The following GM2A variants were observed in gnomAD, a reference collection of about 807,000 sequenced individuals.
GM2A encodes the protein GM2 ganglioside activator.
GM2A carries 7 observed loss-of-function variants against 12.9 expected under a neutral mutation model. The observed-to-expected ratio is 0.54, with a 90% CI of 0.31 to 1.02. GM2A has a LOEUF of 1.02. GM2A is among the 50% of genes least tolerant of loss of function. GM2A has a pLI of 0.05. For missense variants in GM2A, 246 were observed against 241.0 expected (o/e 1.02, Z -0.14); for synonymous variants, 101 against 96.0 (o/e 1.05, Z -0.30).
At chr5:151,256,695 G>C (rs550845887) in intron 1 of GM2A, among the ~76,000 whole-genome samples, 45 of 151,410 alleles carry the variant, frequency 3.0e-4, no homozygotes, top group African/African-American at 1.1e-3. Context: ...CATCTTATAT[G>C]TACATATCTC....
intron 2 of GM2A, among the ~76,000 whole-genome samples, chr5:151,264,774 G>T (rs1753854402): frequency 6.6e-6 from 1 of 152,134 alleles, no homozygotes; most frequent in Admixed American, 6.6e-5. Flanking sequence ...GAAGTCAGGA[G>T]TTTGAGACCA....
rs747791911 is a variant in GM2A, at chr5:151,266,702, C to T, written c.244-29C>T. On this transcript the variant is annotated intron_variant, in intron 2 of 3. Transcript: ENST00000357164. ...TGGAATTTACACTTATAACCTTTTT[C>T]AAACCTTTGTTTTATTTTTTTTTAC... 3.8e-6 allele frequency: 6 copies of T among 1,590,276 alleles called. No homozygotes were observed. In the Admixed American group the frequency reaches 6.7e-5, roughly 18 times the overall value.
rs891501987 is a variant in GM2A at position 151,267,992 on chromosome 5, A to C, written c.*541A>C. Reference sequence around the variant, plus strand: ...ATTTGCCCAATTAATACTAGGGTGCAGTGTATCCTGGAGAGGTAGGGTGTG... The same window carrying C: ...ATTTGCCCAATTAATACTAGGGTGCCGTGTATCCTGGAGAGGTAGGGTGTG... On this transcript the variant is annotated 3_prime_UTR_variant, in exon 4 of 4. Transcript: ENST00000357164. 1.5e-5 allele frequency: 17 copies of C among 1,109,576 alleles called. No homozygotes were observed. Among genetic ancestry groups the C allele is most frequent in the Non-Finnish European group, 1.9e-5 (17 of 904,124 alleles). 68.7% of individuals were successfully genotyped at this position (1,109,576 alleles called of 1,614,324 possible). A position where few individuals can be genotyped will look rare whatever the true frequency, so the allele number is the denominator to read the frequency against.
At position 151,267,639 on chromosome 5, in the gene GM2A, A is replaced by T. The variant is rs886060269; in HGVS notation, c.*188A>T. ...AGGCTGGGGCAAGCAGCCCTGACCTAAGGGAGAATGAGTTGGACAGTTCTT... is the reference window on the plus strand; with the variant it reads ...AGGCTGGGGCAAGCAGCCCTGACCTTAGGGAGAATGAGTTGGACAGTTCTT... On this transcript the variant is annotated 3_prime_UTR_variant, in exon 4 of 4. Coordinates refer to ENST00000357164, the MANE Select transcript of GM2A (RefSeq NM_000405.5). 1 of 1,513,358 alleles carries T rather than the reference A, an allele frequency of 6.6e-7. No homozygotes were observed. Among genetic ancestry groups the T allele is most frequent in the Non-Finnish European group, 8.8e-7 (1 of 1,132,232 alleles). The allele number at this position is 1,513,358 out of a possible 1,614,324, so 93.7% of individuals were successfully genotyped here.
chr5:151,265,167 G>A (rs1753862336), intron 2 of GM2A, among the ~76,000 whole-genome samples: 1 of 152,172 alleles, frequency 6.6e-6, no homozygotes, highest in Non-Finnish European at 1.5e-5. Context: ...TGTGTGGCCA[G>A]TGGTGGAGAT....
In GM2A at chr5:151,263,967, A is replaced by C. The variant is rs564873671; in HGVS notation, c.244-2764A>C. On this transcript the variant is annotated intron_variant, in intron 2 of 3. Coordinates refer to ENST00000357164, the MANE Select transcript of GM2A (RefSeq NM_000405.5). ...CCCGGATTCCATGGCCGTGGGTAAG[A>C]CTGGGGCCTGCTCAGGAGCTCCCTT... Among the ~76,000 whole-genome samples the C allele has an allele frequency of 4.6e-5, 7 of 152,254 alleles. No homozygotes were observed. The South Asian group carries it at 1.5e-3, about 32-fold the overall frequency.
intron 1 of GM2A, among the ~76,000 whole-genome samples, chr5:151,253,798 C>T (rs1362102342): frequency 6.6e-6 from 1 of 152,148 alleles, no homozygotes; most frequent in Non-Finnish European, 1.5e-5. Flanking sequence ...GACCCCGCTG[C>T]CCTTGGTTAT....
intron 1 of GM2A, among the ~76,000 whole-genome samples, chr5:151,255,112 G>A (rs1047729108): frequency 1.3e-5 from 2 of 152,062 alleles, no homozygotes; most frequent in Non-Finnish European, 2.9e-5. Context: ...GACCAGCCTG[G>A]GCAACATGGT....
chr5:151,255,607 G>A (rs1001917369), intron 1 of GM2A, among the ~76,000 whole-genome samples: 5 of 152,190 alleles, frequency 3.3e-5, no homozygotes, highest in African/African-American at 1.2e-4. Context: ...AGTTGTCGGT[G>A]AAGGGAAATG....
chr5:151,263,519 G>A (rs1193866265), intron 2 of GM2A, among the ~76,000 whole-genome samples: 1 of 152,182 alleles, frequency 6.6e-6, no homozygotes, highest in Non-Finnish European at 1.5e-5. Flanking sequence ...TCTCAGGAAA[G>A]GTTGCAACTT....
intron 3 of GM2A, 151 bp from the exon 4 acceptor site, chr5:151,267,145 T>G (rs1753902517): frequency 9.9e-7 from 1 of 1,007,890 alleles, no homozygotes; most frequent in East Asian, 2.6e-5. Flanking sequence ...ATCCATGCTC[T>G]ACAGTGCTAT....
chr5:151,253,221 A>G lies in GM2A; in HGVS notation c.5A>G (p.Gln2Arg), dbSNP rs562249526. MQSLMQAPLLIA... is the reference protein window; with the variant it reads MRSLMQAPLLIA... ...CGCCCTGACCCACCCTTCCCGATGC[A>G]GTCCCTGATGCAGGCTCCCCTCCTG... The change falls in exon 1 of 4, where the codon CAG (glutamine) becomes CGG (arginine). Residue 2 changes from glutamine to arginine, a missense_variant. Gln to Arg is a conservative substitution (Grantham distance 43). Coordinates refer to ENST00000357164, the MANE Select transcript of GM2A (RefSeq NM_000405.5). 5 of 1,613,638 alleles carry G rather than the reference A, an allele frequency of 3.1e-6. No individual in the cohort carries two copies. The highest frequency in any genetic ancestry group is 3.3e-5 in the Admixed American group (2 of 60,022).
Position 151,259,851 on chromosome 5 carries a change from G to T in GM2A, c.178G>T (p.Val60Phe), listed in dbSNP as rs201829650. The T allele has an allele frequency of 3.0e-5, 48 of 1,613,520 alleles. No individual in the cohort carries two copies. The African/African-American group carries it at 5.3e-4, about 18-fold the overall frequency. Residue 60 changes from valine to phenylalanine, a missense_variant, in exon 2 of 4, where the codon GTT (valine) becomes TTT (phenylalanine). Val to Phe is a conservative substitution (Grantham distance 50, BLOSUM62 -1). Transcript: ENST00000357164. ...SLTLEPDPII[V>F]PGNVTLSVMG... is the part of the protein sequence containing the mutation. ...GACTCTGGAGCCTGACCCCATCATC[G>T]TTCCTGGAAATGTGACCCTCAGTGT...
chr5:151,268,080 C>A lies in GM2A; in HGVS notation c.*629C>A. The A allele has an allele frequency of 2.0e-6, 2 of 995,610 alleles. No homozygotes were observed. The highest frequency in any genetic ancestry group is 2.4e-6 in the Non-Finnish European group (2 of 835,702). 61.7% of individuals were successfully genotyped at this position (995,610 alleles called of 1,614,324 possible). On this transcript the variant is annotated 3_prime_UTR_variant, in exon 4 of 4. Coordinates refer to ENST00000357164, the MANE Select transcript of GM2A (RefSeq NM_000405.5). ...TCTGTTGTTTACAAACTCAGGTACC[C>A]GCAGGGCCTAGCAAGAGACTTAAAT...
At chr5:151,259,719 T>G (rs1753757688) in intron 1 of GM2A, 36 bp from the exon 2 acceptor site, 1 of 1,605,264 alleles carries the variant, frequency 6.2e-7, no homozygotes, top group African/African-American at 1.3e-5. Context: ...TCAACCTTTT[T>G]CTTCTTCTCC....
chr5:151,269,561 C>A lies in GM2A; in HGVS notation c.*2110C>A. 1.9e-6 allele frequency: 1 copy of A among 536,830 alleles called. No homozygotes were observed. Among genetic ancestry groups the A allele is most frequent in the Non-Finnish European group, 2.4e-6 (1 of 419,760 alleles). 33.3% of individuals were successfully genotyped at this position (536,830 alleles called of 1,614,324 possible). On this transcript the variant is annotated 3_prime_UTR_variant, in exon 4 of 4. Transcript: ENST00000357164. ...GAATTTAAAAGGGAGCAAAGACCACCTGGTGACTATCAGGCCATGCAGAGG... is the reference window on the plus strand; with the variant it reads ...GAATTTAAAAGGGAGCAAAGACCACATGGTGACTATCAGGCCATGCAGAGG...
rs1222793233 is a variant in GM2A, at chr5:151,268,552, G to T, written c.*1101G>T. Reference sequence around the variant, plus strand: ...ATTGATACAAGGCTGCTGAGGCCTGGTCTCCAGTTGGAAATATAATTAAGG... The same window carrying T: ...ATTGATACAAGGCTGCTGAGGCCTGTTCTCCAGTTGGAAATATAATTAAGG... On this transcript the variant is annotated 3_prime_UTR_variant, in exon 4 of 4. Transcript: ENST00000357164. 2 of 985,100 alleles carry T rather than the reference G, an allele frequency of 2.0e-6. No homozygotes were observed. The highest frequency in any genetic ancestry group is 3.5e-5 in the African/African-American group (2 of 57,218). The allele number at this position is 985,100 out of a possible 1,614,324, so 61.0% of individuals were successfully genotyped here. A position where few individuals can be genotyped will look rare whatever the true frequency, so the allele number is the denominator to read the frequency against.
At chr5:151,255,643 A>T (rs982877118) in intron 1 of GM2A, among the ~76,000 whole-genome samples, 1 of 152,166 alleles carries the variant, frequency 6.6e-6, no homozygotes, top group African/African-American at 2.4e-5. Context: ...AATTTCTAAA[A>T]TCAGAAACAA....
In GM2A at chr5:151,270,134, G is replaced by T; in HGVS notation, c.*2683G>T. ...GGTGGGGGATGAGGAGTTAAAGGTG[G>T]CATCTTCAATCGCAGGTCAAAGCAG... is the stretch of plus-strand genomic sequence containing the variant. On this transcript the variant is annotated 3_prime_UTR_variant, in exon 4 of 4. Transcript: ENST00000357164. The T allele has an allele frequency of 8.1e-7, 1 of 1,229,810 alleles. No homozygotes were observed. Among genetic ancestry groups the T allele is most frequent in the East Asian group, 3.2e-5 (1 of 31,618 alleles). The allele number at this position is 1,229,810 out of a possible 1,614,324, so 76.2% of individuals were successfully genotyped here. A position where few individuals can be genotyped will look rare whatever the true frequency, so the allele number is the denominator to read the frequency against.
Sources: allele counts gnomAD v4.1 joint callset (sites outside exome capture counted in the v4.1 genomes callset), GRCh38; gene constraint gnomAD v4.1.1; transcripts MANE v1.5; gene names NCBI Gene and HGNC (gene_info 2026-07-23, HGNC 2026-07-21).